RALYL: variants seen among roughly 807,000 people sequenced by gnomAD.
RALYL encodes the protein RNA-binding Raly-like protein.
Under a neutral mutation model 35.1 loss-of-function variants are expected in RALYL, and 29 were observed. The ratio of observed to expected loss-of-function variants is 0.83; its 90% CI spans 0.61 to 1.13. RALYL has a LOEUF of 1.13. Ranked by LOEUF, RALYL falls within the 50% of genes most tolerant of loss-of-function variation. The pLI is 0.00. For synonymous variants in RALYL, 120 were observed against 127.6 expected (o/e 0.94, Z 0.40); for missense variants, 359 against 360.4 (o/e 1.00, Z 0.03).
intron 2 of RALYL, among the ~76,000 whole-genome samples, chr8:84,642,129 G>C (rs184067153): frequency 6.6e-6 from 1 of 151,628 alleles, no homozygotes; most frequent in Non-Finnish European, 1.5e-5. Context: ...ACATCTAATC[G>C]CATGTATACA....
intron 2 of RALYL, among the ~76,000 whole-genome samples, chr8:84,649,294 A>G (rs1828180395): frequency 6.6e-6 from 1 of 151,952 alleles, no homozygotes. Context: ...ATTAGATCCC[A>G]TTTGTCAACT....
intron 2 of RALYL, among the ~76,000 whole-genome samples, chr8:84,711,298 A>T (rs1305405136): frequency 1.3e-5 from 2 of 152,202 alleles, no homozygotes; most frequent in Non-Finnish European, 2.9e-5. Flanking sequence ...ATATGTATAT[A>T]CTAACTTTTA....
intron 2 of RALYL, among the ~76,000 whole-genome samples, chr8:84,549,285 T>G (rs1213080408): frequency 1.3e-5 from 2 of 152,174 alleles, no homozygotes; most frequent in Non-Finnish European, 2.9e-5. Flanking sequence ...CTTTAATCAC[T>G]TACTGTGATA....
intron 2 of RALYL, among the ~76,000 whole-genome samples, chr8:84,670,120 G>GAA (rs535043658): frequency 2.6e-4 from 37 of 143,868 alleles, no homozygotes; most frequent in African/African-American, 7.9e-4. Context: ...ATTTCCTGCT[G>GAA]AAAAAAAAAA....
At chr8:84,215,713 C>T (rs1236206519) in intron 1 of RALYL, among the ~76,000 whole-genome samples, 5 of 151,886 alleles carry the variant, frequency 3.3e-5, no homozygotes, top group South Asian at 2.1e-4. Context: ...TTTTCTAATT[C>T]GGAGGTTTGG....
chr8:84,748,721 T>C (rs1809240764), intron 2 of RALYL, among the ~76,000 whole-genome samples: 1 of 152,160 alleles, frequency 6.6e-6, no homozygotes, highest in African/African-American at 2.4e-5. Flanking sequence ...GAATCTTATA[T>C]TGGTTGAATG....
intron 8 of RALYL, among the ~76,000 whole-genome samples, chr8:84,912,978 C>G (rs1173006588): frequency 6.9e-6 from 1 of 144,802 alleles, no homozygotes; most frequent in African/African-American, 2.6e-5. Context: ...ACAGTGCAGA[C>G]CCAGGATGGA....
At chr8:84,488,272 A>G (rs993768332) in intron 1 of RALYL, among the ~76,000 whole-genome samples, 1 of 152,070 alleles carries the variant, frequency 6.6e-6, no homozygotes, top group African/African-American at 2.4e-5. Flanking sequence ...CACTTGTCCA[A>G]TTAATTGCAT....
At chr8:84,267,146 T>C in intron 1 of RALYL, among the ~76,000 whole-genome samples, 1 of 152,170 alleles carries the variant, frequency 6.6e-6, no homozygotes. Context: ...TGATCTTGCT[T>C]GGCAGTCTTG....
At chr8:84,405,949 T>C (rs934688976) in intron 1 of RALYL, among the ~76,000 whole-genome samples, 1 of 150,146 alleles carries the variant, frequency 6.7e-6, no homozygotes, top group African/African-American at 2.4e-5. Flanking sequence ...CCTCCCAATA[T>C]TTTCATTCTT....
rs371729593 is a variant in RALYL at position 84,529,280 on chromosome 8, G to A, written c.-23-19G>A. The A allele has an allele frequency of 1.3e-6, 2 of 1,547,324 alleles. No individual in the cohort carries two copies. The highest frequency in any genetic ancestry group is 1.7e-6 in the Non-Finnish European group (2 of 1,143,490). The stretch of plus-strand genomic sequence containing the variant: ...TACCTTTTGATTATTTGTTTTGTTT[G>A]TTTGTTTGTTTGTTTAAGGATTAAA... On this transcript the variant is annotated intron_variant, in intron 1 of 8. Transcript: ENST00000521268.
At chr8:84,198,658 C>T (rs1272323806) in intron 1 of RALYL, among the ~76,000 whole-genome samples, 1 of 152,160 alleles carries the variant, frequency 6.6e-6, no homozygotes, top group Non-Finnish European at 1.5e-5. Context: ...CCCTGCCACC[C>T]TTCCCAGCCT....
intron 2 of RALYL, among the ~76,000 whole-genome samples, chr8:84,575,619 A>G (rs534331231): frequency 2.3e-4 from 35 of 152,234 alleles, no homozygotes; most frequent in Admixed American, 7.9e-4. Context: ...CATAAATGGG[A>G]ACTCTGTGCC....
chr8:84,675,379 A>T (rs2131879424), intron 2 of RALYL, among the ~76,000 whole-genome samples: 2 of 152,260 alleles, frequency 1.3e-5, no homozygotes, highest in Middle Eastern at 6.8e-3. Flanking sequence ...GTTTTTAAGA[A>T]ATTTGACTTA....
rs1021606177 is a variant in RALYL at position 84,869,167 on chromosome 8, G to A, written c.572-4117G>A. On this transcript the variant is annotated intron_variant, in intron 6 of 8. Coordinates refer to ENST00000521268, the MANE Select transcript of RALYL (RefSeq NM_173848.7). ...GATCATATTTTTCACATCAACTGAA[G>A]CTGCATGGCACAATAAAAAATATAG... 1.7e-4 allele frequency among the ~76,000 whole-genome samples: 26 copies of A among 152,060 alleles called. 1 individual carries two copies. The highest frequency in any genetic ancestry group is 5.8e-4 in the African/African-American group (24 of 41,424).
At chr8:84,799,186 G>A (rs1822609731) in intron 3 of RALYL, among the ~76,000 whole-genome samples, 2 of 152,128 alleles carry the variant, frequency 1.3e-5, no homozygotes, top group African/African-American at 4.8e-5. Context: ...TACCTCCAAG[G>A]AGTGTGCAGT....
intron 1 of RALYL, among the ~76,000 whole-genome samples, chr8:84,374,989 T>G (rs1856632446): frequency 6.6e-6 from 1 of 151,932 alleles, no homozygotes; most frequent in Non-Finnish European, 1.5e-5. Flanking sequence ...TTTTCAAGCC[T>G]GAATCACCTT....
At chr8:84,426,436 CTCTGTG>C (rs1271103739) in intron 1 of RALYL, among the ~76,000 whole-genome samples, 141 of 130,974 alleles carry the variant, frequency 1.1e-3, no homozygotes, top group African/African-American at 3.5e-3. Context: ...CTCTCTCTCT[CTCTGTG>C]TGTGTGTGTG....
intron 2 of RALYL, among the ~76,000 whole-genome samples, chr8:84,703,127 GC>G (rs1212555036): frequency 6.6e-6 from 1 of 152,010 alleles, no homozygotes; most frequent in African/African-American, 2.4e-5. Flanking sequence ...CTCCCCCTCA[GC>G]CACTGCCCCT....
Sources: allele counts gnomAD v4.1 joint callset (sites outside exome capture counted in the v4.1 genomes callset), GRCh38; gene constraint gnomAD v4.1.1; transcripts MANE v1.5; gene names NCBI Gene and HGNC (gene_info 2026-07-23, HGNC 2026-07-21).